SAMD8: variants seen among roughly 807,000 people sequenced by gnomAD.
SAMD8 encodes the protein sterile alpha motif domain containing 8.
SAMD8 carries 20 observed loss-of-function variants against 42.0 expected under a neutral mutation model. The observed-to-expected ratio is 0.48, with a 90% CI of 0.34 to 0.69. The LOEUF (loss-of-function observed/expected upper bound fraction) is 0.69. Among genes scored for constraint, SAMD8 ranks in the 30% least tolerant of loss-of-function variants. The pLI, the probability that SAMD8 is intolerant of heterozygous loss-of-function variation, is 0.01. For synonymous variants in SAMD8, 162 were observed against 173.0 expected, an observed-to-expected ratio of 0.94 and a Z score of 0.50; for missense variants, 328 against 511.6, an observed-to-expected ratio of 0.64 and a Z score of 3.46.
chr10:75,103,933 CGCCAGGAGGA>C, intron 1 of SAMD8: 1 of 1,317,656 alleles, frequency 7.6e-7, no homozygotes. Flanking sequence ...GGGGTGTAGG[CGCCAGGAGGA>C]GCCAGATGGA....
At chr10:75,133,210 G>T (rs774633039) in intron 1 of SAMD8, among the ~76,000 whole-genome samples, 2 of 149,530 alleles carry the variant, frequency 1.3e-5, no homozygotes, top group Non-Finnish European at 2.9e-5. Context: ...AGACCAACCT[G>T]GGCAGCATGG....
chr10:75,176,867 C>T lies in SAMD8; in HGVS notation c.*175C>T, dbSNP rs1841001591. 1.8e-6 allele frequency: 1 copy of T among 565,650 alleles called. No homozygotes were observed. Among genetic ancestry groups the T allele is most frequent in the African/African-American group, 1.9e-5 (1 of 53,178 alleles). 35.0% of individuals were successfully genotyped at this position (565,650 alleles called of 1,614,324 possible). A position where few individuals can be genotyped will look rare whatever the true frequency, so the allele number is the denominator to read the frequency against. ...AAAGCAAGAAAGAACAATCAAGAGTCCTTATGTAGCTATTTGAACAGAAAG... is the reference window on the plus strand; with the variant it reads ...AAAGCAAGAAAGAACAATCAAGAGTTCTTATGTAGCTATTTGAACAGAAAG... On this transcript the variant is annotated 3_prime_UTR_variant, in exon 6 of 6. Transcript: ENST00000542569. This position sits in a 1 kb window ranked among gnomAD's most constrained non-coding sequence, Gnocchi z 4.3.
At chr10:75,114,593 CTT>C (rs547363943) in intron 1 of SAMD8, among the ~76,000 whole-genome samples, 1 of 152,030 alleles carries the variant, frequency 6.6e-6, no homozygotes, top group Non-Finnish European at 1.5e-5. Context: ...AATTTGAACA[CTT>C]TTTTTGAGAA....
chr10:75,139,608 TTG>T (rs1801374814), intron 1 of SAMD8, among the ~76,000 whole-genome samples: 1 of 152,186 alleles, frequency 6.6e-6, no homozygotes, highest in Admixed American at 6.5e-5. Flanking sequence ...ATAGAAAATT[TTG>T]TGTGTGAGAG....
rs578004119 is a variant in SAMD8 at position 75,177,405 on chromosome 10, A to G, written c.*713A>G. The G allele has an allele frequency of 1.3e-5, 2 of 152,350 alleles. No homozygotes were observed. Among genetic ancestry groups the G allele is most frequent in the East Asian group, 3.9e-4 (2 of 5,188 alleles). The allele number at this position is 152,350 out of a possible 1,614,324, so 9.4% of individuals were successfully genotyped here. ...CCAGTGTGACCCTCAGTGAGTATTC[A>G]TGAGGGAAAAATGGCTGCATCCATA... On this transcript the variant is annotated 3_prime_UTR_variant, in exon 6 of 6. Coordinates refer to ENST00000542569, the MANE Select transcript of SAMD8 (RefSeq NM_001174156.2).
chr10:75,114,180 A>G (rs1848826958), intron 1 of SAMD8, among the ~76,000 whole-genome samples: 1 of 152,050 alleles, frequency 6.6e-6, no homozygotes, highest in African/African-American at 2.4e-5. Context: ...TACTAATACT[A>G]TAAAAAGAAT....
intron 2 of SAMD8, among the ~76,000 whole-genome samples, chr10:75,162,385 C>T (rs1251601484): frequency 2.0e-5 from 3 of 151,560 alleles, no homozygotes; most frequent in Non-Finnish European, 4.4e-5. Context: ...GCACGTGGCT[C>T]ACGCCTGTAA....
At chr10:75,151,244 T>G in intron 2 of SAMD8, 138 bp downstream of exon 2, 1 of 460,740 alleles carries the variant, frequency 2.2e-6, no homozygotes, top group Non-Finnish European at 3.7e-6. Flanking sequence ...CGGTATAAAA[T>G]GCTTTGAAAT....
intron 1 of SAMD8, among the ~76,000 whole-genome samples, chr10:75,137,717 T>A (rs1379419137): frequency 6.6e-6 from 1 of 152,108 alleles, no homozygotes; most frequent in Admixed American, 6.6e-5. Context: ...GGACTGAGCA[T>A]GAGGGGGATA....
At chr10:75,137,275 C>T (rs1177705675) in intron 1 of SAMD8, among the ~76,000 whole-genome samples, 1 of 152,196 alleles carries the variant, frequency 6.6e-6, no homozygotes, top group African/African-American at 2.4e-5. Context: ...CGTGGTGACT[C>T]ATGCCTGTAA....
chr10:75,168,663 C>T lies in SAMD8; in HGVS notation c.792+5C>T. On this transcript the variant is annotated splice_donor_5th_base_variant and intron_variant, in intron 4 of 5. Coordinates refer to ENST00000542569, the MANE Select transcript of SAMD8 (RefSeq NM_001174156.2). Reference sequence around the variant, plus strand: ...CACCTGCAGTGTACTGGAAAGGTAGCCTGCTACCTTCTTTATCATTCTTGT... The same window carrying T: ...CACCTGCAGTGTACTGGAAAGGTAGTCTGCTACCTTCTTTATCATTCTTGT... 1.3e-6 allele frequency: 2 copies of T among 1,553,780 alleles called. No individual in the cohort carries two copies. The highest frequency in any genetic ancestry group is 8.9e-7 in the Non-Finnish European group (1 of 1,125,114).
chr10:75,129,173 T>G (rs1026157215), intron 1 of SAMD8, among the ~76,000 whole-genome samples: 1 of 152,044 alleles, frequency 6.6e-6, no homozygotes, highest in Non-Finnish European at 1.5e-5. Flanking sequence ...CTTGTTCTGT[T>G]GCCCAGGTGC....
chr10:75,169,980 T>A (rs533146086), intron 4 of SAMD8, among the ~76,000 whole-genome samples: 1 of 152,192 alleles, frequency 6.6e-6, no homozygotes, highest in South Asian at 2.1e-4. Flanking sequence ...TAAACTTTAC[T>A]CTTTCTGAGA....
chr10:75,109,275 A>T, upstream of SAMD8: 1 of 1,249,144 alleles, frequency 8.0e-7, no homozygotes, highest in Non-Finnish European at 1.1e-6. Context: ...TCAGCAAGTC[A>T]CAGGGGCCTC....
chr10:75,111,961 G>C (rs1397141723), intron 1 of SAMD8, among the ~76,000 whole-genome samples: 1 of 152,184 alleles, frequency 6.6e-6, no homozygotes, highest in Non-Finnish European at 1.5e-5. Flanking sequence ...ACGAGAGGGA[G>C]AGAGCGAGAG....
intron 2 of SAMD8, among the ~76,000 whole-genome samples, chr10:75,159,035 T>C (rs1400904009): frequency 2.0e-5 from 3 of 151,836 alleles, no homozygotes; most frequent in Non-Finnish European, 2.9e-5. Context: ...ATGCAAAGTT[T>C]TGTGTAGACA....
At chr10:75,151,981 G>T (rs966085027) in intron 2 of SAMD8, among the ~76,000 whole-genome samples, 6 of 151,672 alleles carry the variant, frequency 4.0e-5, no homozygotes, top group Non-Finnish European at 8.8e-5. Flanking sequence ...GAGCCACCGC[G>T]CTTGGCCAGG....
At chr10:75,105,731 G>C in intron 1 of SAMD8, 1 of 1,554,534 alleles carries the variant, frequency 6.4e-7, no homozygotes, top group Non-Finnish European at 8.7e-7. Flanking sequence ...AGGAAGCCTC[G>C]GTTGGGGAAG....
chr10:75,174,284 C>G (rs544210300), intron 4 of SAMD8, among the ~76,000 whole-genome samples: 2 of 152,246 alleles, frequency 1.3e-5, no homozygotes, highest in African/African-American at 4.8e-5. Context: ...TGCCCGCCAC[C>G]AAGCCCGGCT....
Sources: gnomAD v4.1 joint callset for allele counts (sites outside exome capture counted in the v4.1 genomes callset) on GRCh38, gnomAD v4.1.1 for gene constraint, Gnocchi (gnomAD v3.1) non-coding constraint, MANE v1.5 for transcripts, NCBI Gene and HGNC (gene_info 2026-07-23, HGNC 2026-07-21) for gene names.